Variants in SNX21 observed in about 807,000 individuals in gnomAD.
SNX21 encodes sorting nexin family member 21, also known as sorting nexin-21.
Under a neutral mutation model 30.9 loss-of-function variants are expected in SNX21, and 36 were observed. The ratio of observed to expected loss-of-function variants is 1.16; its 90% confidence interval spans 0.89 to 1.54. The LOEUF (loss-of-function observed/expected upper bound fraction) is 1.54. Ranked by LOEUF, SNX21 falls within the 40% of genes most tolerant of loss-of-function variation. SNX21 has a pLI of 0.00. For missense variants in SNX21, 508 were observed against 516.5 expected (o/e 0.98, Z 0.16); for synonymous variants, 218 against 222.7 (o/e 0.98, Z 0.19).
At chr20:45,834,527 C>A (rs114776392) in intron 2 of SNX21, 59 bp downstream of exon 2, 9 of 1,506,364 alleles carry the variant, frequency 6.0e-6, no homozygotes, top group Non-Finnish European at 7.9e-6. Flanking sequence ...CCATCCCAGC[C>A]GCGTTCCCAG....
At position 45,834,264 on chromosome 20, in the gene SNX21, G is replaced by T. The variant is rs1441778455; in HGVS notation, c.85G>T (p.Glu29Ter). The change falls in exon 2 of 4, where the codon GAG becomes TAG. Residue 29 changes from glutamate (E) to a stop codon, truncating the protein, a stop_gained. Transcript: ENST00000491381. LOFTEE classifies it high-confidence loss of function. The stretch of plus-strand genomic sequence containing the variant: ...CGCCTTGGCCGGCGACGGCCCCGGG[G>T]AGGCGGCGGCCAGTCCAGAGGCCGA... ...RHALAGDGPG[E>*]AAASPEAEQF... is the part of the protein sequence containing the mutation. The T allele has an allele frequency of 4.4e-6, 7 of 1,583,156 alleles. No individual in the cohort carries two copies. Among genetic ancestry groups the T allele is most frequent in the Non-Finnish European group, 8.5e-7 (1 of 1,171,406 alleles).
At chr20:45,836,517 A>AAAAAAT (rs869269493) in intron 3 of SNX21, among the ~76,000 whole-genome samples, 3 of 125,228 alleles carry the variant, frequency 2.4e-5, no homozygotes, top group Non-Finnish European at 5.3e-5. Flanking sequence ...AAAAAAAAAA[A>AAAAAAT]TTTTGAGACA....
In SNX21 at chr20:45,834,354, G is replaced by A. The variant is rs755887687; in HGVS notation, c.175G>A (p.Gly59Ser). 4 of 1,601,680 alleles carry A rather than the reference G, an allele frequency of 2.5e-6. No homozygotes were observed. The Admixed American group carries it at 6.8e-5, about 27-fold the overall frequency. The change falls in exon 2 of 4, where the codon GGC becomes AGC. Residue 59 changes from glycine (G) to serine (S), a missense_variant. Coordinates refer to ENST00000491381, the MANE Select transcript of SNX21 (RefSeq NM_033421.4). ...DAEGLSSRLS[G>S]TLSFTSAEDD... ...CGAGGGCCTGTCCTCCCGACTCAGC[G>A]GCACCCTCAGCTTCACCAGCGCCGA...
chr20:45,833,948 C>T lies in SNX21; in HGVS notation c.21+8C>T, dbSNP rs201345928. 6.4e-5 allele frequency: 92 copies of T among 1,438,454 alleles called. No individual in the cohort carries two copies. In the Admixed American group the frequency reaches 1.0e-3, roughly 16 times the overall value. The allele number at this position is 1,438,454 out of a possible 1,614,324, so 89.1% of individuals were successfully genotyped here. A position where few individuals can be genotyped will look rare whatever the true frequency, so the allele number is the denominator to read the frequency against. Reference sequence around the variant, plus strand: ...CACCGTGGGACGCAGGAGGTAGAGGCGCACGAGGCGGCGCAAGAGACATCG... The same window carrying T: ...CACCGTGGGACGCAGGAGGTAGAGGTGCACGAGGCGGCGCAAGAGACATCG... On this transcript the variant is annotated splice_region_variant and intron_variant, in intron 1 of 3. Coordinates refer to ENST00000491381, the MANE Select transcript of SNX21 (RefSeq NM_033421.4).
At position 45,842,055 on chromosome 20, in the gene SNX21, G is replaced by A. The variant is rs1984216147; in HGVS notation, c.*742G>A. ...CAGAGTCTCACTAAGTTGCCAGGCTGGTCTCAAGCGCCTGGGTTCAAGGGA... is the reference window on the plus strand; with the variant it reads ...CAGAGTCTCACTAAGTTGCCAGGCTAGTCTCAAGCGCCTGGGTTCAAGGGA... On this transcript the variant is annotated 3_prime_UTR_variant, in exon 4 of 4. Coordinates refer to ENST00000491381, the MANE Select transcript of SNX21 (RefSeq NM_033421.4). The A allele has an allele frequency of 6.5e-7, 1 of 1,545,600 alleles. No homozygotes were observed. The highest frequency in any genetic ancestry group is 1.4e-5 in the African/African-American group (1 of 73,302).
rs73308468 is a variant in SNX21, at chr20:45,841,829, T to A, written c.*516T>A. The A allele has an allele frequency of 6.3e-7, 1 of 1,594,870 alleles. No homozygotes were observed. The highest frequency in any genetic ancestry group is 2.2e-5 in the East Asian group (1 of 44,624). ...TTCTTGAAGCCCCAGGCGAAGCTGG[T>A]ACCTCTGGCTACAGCTTGCTCTCTG... On this transcript the variant is annotated 3_prime_UTR_variant, in exon 4 of 4. Transcript: ENST00000491381.
At position 45,840,886 on chromosome 20, in the gene SNX21, C is replaced by A. The variant is rs1984035691; in HGVS notation, c.695C>A (p.Ala232Asp). 6.2e-7 allele frequency: 1 copy of A among 1,613,516 alleles called. No homozygotes were observed. Among genetic ancestry groups the A allele is most frequent in the Non-Finnish European group, 8.5e-7 (1 of 1,179,998 alleles). Residue 232 changes from alanine (A) to aspartate (D), a missense_variant, in exon 4 of 4, where the codon GCC becomes GAC. Coordinates refer to ENST00000491381, the MANE Select transcript of SNX21 (RefSeq NM_033421.4). ...HLQAVPELRH[A>D]PDLQDFFVLP... ...CAGGCAGTGCCTGAGCTGCGCCATG[C>A]CCCGGACCTGCAGGACTTCTTCGTG... is the stretch of plus-strand genomic sequence containing the variant.
In SNX21 at chr20:45,842,587, T is replaced by C. The variant is rs197666; in HGVS notation, c.*1274T>C. 0.015 allele frequency: 15,136 copies of C among 994,080 alleles called. 1,732 individuals are homozygous for C. In the African/African-American group the frequency reaches 0.24, roughly 16 times the overall value. 61.6% of individuals were successfully genotyped at this position (994,080 alleles called of 1,614,324 possible). On this transcript the variant is annotated 3_prime_UTR_variant, in exon 4 of 4. Transcript: ENST00000491381. Reference sequence around the variant, plus strand: ...CCCCATCTGGAGACTCTTTCTCCCTTGCTGGCTTTGGGCCCAAGTTTGATG... The same window carrying C: ...CCCCATCTGGAGACTCTTTCTCCCTCGCTGGCTTTGGGCCCAAGTTTGATG...
At position 45,841,245 on chromosome 20, in the gene SNX21, G is replaced by A. The variant is rs1256628478; in HGVS notation, c.1054G>A (p.Glu352Lys). ...QSEARLQALQ[E>K]AGLTPTPPPS... is the part of the protein sequence containing the mutation. ...AGAGGCTCGGCTCCAAGCCCTGCAG[G>A]AGGCAGGCCTTACCCCCACACCACC... Residue 352 changes from glutamate to lysine, a missense_variant, in exon 4 of 4, where the codon GAG becomes AAG. Transcript: ENST00000491381. The A allele has an allele frequency of 6.2e-7, 1 of 1,610,540 alleles. No individual in the cohort carries two copies. The highest frequency in any genetic ancestry group is 2.2e-5 in the East Asian group (1 of 44,878).
At chr20:45,840,450 A>G in intron 3 of SNX21, 189 bp from the exon 4 acceptor site, 1 of 1,614,206 alleles carries the variant, frequency 6.2e-7, no homozygotes, top group Non-Finnish European at 8.5e-7. Flanking sequence ...CATTTCAGAC[A>G]AACCTCAGGT....
At position 45,833,849 on chromosome 20, in the gene SNX21, G is replaced by A; in HGVS notation, c.-71G>A. The A allele has an allele frequency of 7.8e-7, 1 of 1,286,448 alleles. No individual in the cohort carries two copies. The highest frequency in any genetic ancestry group is 9.9e-7 in the Non-Finnish European group (1 of 1,012,988). 79.7% of individuals were successfully genotyped at this position (1,286,448 alleles called of 1,614,324 possible). ...AGCGGCCTGAGCCCGGCGGAGCCCT[G>A]CAGAACCCGGCCGACCTCCATGGGC... On this transcript the variant is annotated 5_prime_UTR_variant, in exon 1 of 4. Transcript: ENST00000491381.
chr20:45,842,225 T>C lies in SNX21; in HGVS notation c.*912T>C. The C allele has an allele frequency of 6.9e-7, 1 of 1,449,980 alleles. No homozygotes were observed. The highest frequency in any genetic ancestry group is 9.0e-7 in the Non-Finnish European group (1 of 1,109,360). The allele number at this position is 1,449,980 out of a possible 1,614,324, so 89.8% of individuals were successfully genotyped here. On this transcript the variant is annotated 3_prime_UTR_variant, in exon 4 of 4. Transcript: ENST00000491381. Reference sequence around the variant, plus strand: ...CACTGAGTGTCGTGGCTGCTCCAAATGCCCCTTCATGAGCTTATTATGGAC... The same window carrying C: ...CACTGAGTGTCGTGGCTGCTCCAAACGCCCCTTCATGAGCTTATTATGGAC...
intron 3 of SNX21, among the ~76,000 whole-genome samples, chr20:45,836,676 T>C (rs1272093013): frequency 6.6e-6 from 1 of 151,804 alleles, no homozygotes. Flanking sequence ...AATGATGAAG[T>C]CTGAAGTGGC....
intron 3 of SNX21, among the ~76,000 whole-genome samples, chr20:45,836,179 C>T (rs939296498): frequency 6.6e-6 from 1 of 152,258 alleles, no homozygotes; most frequent in African/African-American, 2.4e-5. Context: ...CAGCAGGGAC[C>T]GACTCCGATT....
chr20:45,838,524 T>A (rs937589454), intron 3 of SNX21, among the ~76,000 whole-genome samples: 3 of 148,892 alleles, frequency 2.0e-5, no homozygotes, highest in Admixed American at 1.4e-4. Flanking sequence ...GAGGCTGAGG[T>A]GGGCAGATCA....
chr20:45,839,834 A>C (rs1983886901), intron 3 of SNX21, among the ~76,000 whole-genome samples: 1 of 152,054 alleles, frequency 6.6e-6, no homozygotes, highest in Non-Finnish European at 1.5e-5. Context: ...GCTTCAGCCC[A>C]GGAGGTTGAA....
intron 3 of SNX21, among the ~76,000 whole-genome samples, chr20:45,836,224 G>A (rs112335639): frequency 2.6e-5 from 4 of 152,076 alleles, no homozygotes; most frequent in African/African-American, 4.8e-5. Flanking sequence ...GAGGCCGGGC[G>A]TGGTGGCTCA....
At chr20:45,837,938 A>T (rs145611389) in intron 3 of SNX21, among the ~76,000 whole-genome samples, 15 of 150,968 alleles carry the variant, frequency 9.9e-5, no homozygotes, top group African/African-American at 3.7e-4. Flanking sequence ...ATGCCTGGCT[A>T]ACTTTTGCAT....
intron 3 of SNX21, 33 bp downstream of exon 3, chr20:45,835,149 G>A: frequency 6.3e-7 from 1 of 1,581,598 alleles, no homozygotes; most frequent in Admixed American, 1.8e-5. Context: ...TGGGCTGTGA[G>A]TCCAGAAGTA....
Sources: gnomAD v4.1 joint callset for allele counts (sites outside exome capture counted in the v4.1 genomes callset) on GRCh38, gnomAD v4.1.1 for gene constraint, MANE v1.5 for transcripts, NCBI Gene and HGNC (gene_info 2026-07-23, HGNC 2026-07-21) for gene names.